ARHGEF4: variants seen among roughly 807,000 people sequenced by gnomAD.
ARHGEF4 encodes Rho guanine nucleotide exchange factor 4.
A neutral mutation model predicts 162.0 loss-of-function variants in ARHGEF4; 119 were observed. That is an observed-to-expected ratio of 0.73 (90% confidence interval 0.63 to 0.86). The LOEUF (loss-of-function observed/expected upper bound fraction) is 0.86, where lower values mean the gene tolerates loss of function less well. ARHGEF4 is among the 40% of genes least tolerant of loss of function. The pLI, the probability that ARHGEF4 is intolerant of heterozygous loss-of-function variation, is 0.00. For missense variants in ARHGEF4, 2,488 were observed against 2,456.0 expected (o/e 1.01, Z -0.28); for synonymous variants, 1,014 against 979.9 (o/e 1.03, Z -0.65).
At chr2:131,000,159 G>GT (rs1186048551) in intron 4 of ARHGEF4, among the ~76,000 whole-genome samples, 1 of 152,170 alleles carries the variant, frequency 6.6e-6, no homozygotes, top group African/African-American at 2.4e-5. Context: ...TTGTAATGAA[G>GT]GATTAAACTT....
chr2:130,953,219 A>G (rs947493281), intron 4 of ARHGEF4, among the ~76,000 whole-genome samples: 2 of 152,202 alleles, frequency 1.3e-5, no homozygotes, highest in Non-Finnish European at 2.9e-5. Flanking sequence ...ATATAGACCA[A>G]TGGAACAGAA....
At chr2:130,986,732 T>G (rs1686527118) in intron 4 of ARHGEF4, among the ~76,000 whole-genome samples, 1 of 152,168 alleles carries the variant, frequency 6.6e-6, no homozygotes, top group South Asian at 2.1e-4. Context: ...GAGCTAGATG[T>G]GAGACAACAG....
intron 1 of ARHGEF4, among the ~76,000 whole-genome samples, chr2:130,904,091 C>A (rs1680672915): frequency 6.6e-6 from 1 of 152,198 alleles, no homozygotes; most frequent in African/African-American, 2.4e-5. Flanking sequence ...TGAGAAATCT[C>A]CAAACTGCTC....
chr2:130,841,636 G>A (rs1481760661), intron 1 of ARHGEF4, among the ~76,000 whole-genome samples: 2 of 152,158 alleles, frequency 1.3e-5, no homozygotes, highest in African/African-American at 4.8e-5. Context: ...AGCTGATAGA[G>A]AACGATGTCT....
chr2:130,864,086 C>T (rs188547699), intron 1 of ARHGEF4, among the ~76,000 whole-genome samples: 12,302 of 150,946 alleles, frequency 0.081, 961 homozygotes, highest in African/African-American at 0.2. Context: ...CTCGGGAGGC[C>T]GAGGCAGAAG....
At position 130,916,474 on chromosome 2, in the gene ARHGEF4, G is replaced by C. The variant is rs1324086648; in HGVS notation, c.2528G>C (p.Arg843Pro). 5.8e-6 allele frequency: 9 copies of C among 1,544,826 alleles called. No individual in the cohort carries two copies. Among genetic ancestry groups the C allele is most frequent in the African/African-American group, 1.4e-5 (1 of 72,956 alleles). Residue 843 changes from arginine to proline, a missense_variant, in exon 2 of 14, where the codon CGG becomes CCG. Arg to Pro is a moderately radical substitution (Grantham distance 103). This residue lies in a region of ARHGEF4 where 1,642 missense variants were observed against 1,481.5 expected (regional missense o/e 1.11). Transcript: ENST00000409359. ...GAGAATCCGCCCGCTGCGGCCGGTC[G>C]GGACGCACCGCCTCTGCACCACGGG... ...PRENPPAAAG[R>P]DAPPLHHGDA...
At chr2:130,986,776 A>C (rs1041111563) in intron 4 of ARHGEF4, among the ~76,000 whole-genome samples, 1 of 152,166 alleles carries the variant, frequency 6.6e-6, no homozygotes, top group African/African-American at 2.4e-5. Flanking sequence ...GTCACTTCAT[A>C]ATTGTCTGCA....
intron 4 of ARHGEF4, among the ~76,000 whole-genome samples, chr2:130,992,437 G>A (rs959828282): frequency 2.0e-5 from 3 of 152,176 alleles, no homozygotes; most frequent in African/African-American, 7.2e-5. Context: ...GCGAGACCAC[G>A]AGCCCACCGG....
chr2:131,008,568 C>G (rs566425685), intron 4 of ARHGEF4, among the ~76,000 whole-genome samples: 2 of 152,018 alleles, frequency 1.3e-5, no homozygotes, highest in African/African-American at 4.8e-5. Flanking sequence ...GGTCATTTTC[C>G]TCTTTTTTTG....
chr2:130,940,942 A>T (rs543545944), intron 3 of ARHGEF4, among the ~76,000 whole-genome samples: 58 of 152,114 alleles, frequency 3.8e-4, no homozygotes, highest in Non-Finnish European at 6.6e-4. Context: ...TACAGTAGTC[A>T]GAAAACAGTA....
chr2:131,032,836 CTTTTCTT>C (rs1344226009), intron 5 of ARHGEF4, among the ~76,000 whole-genome samples: 1 of 142,656 alleles, frequency 7.0e-6, no homozygotes, highest in African/African-American at 2.9e-5. Flanking sequence ...CTTTTCTTTT[CTTTTCTT>C]TTTTCTTTTT....
intron 4 of ARHGEF4, among the ~76,000 whole-genome samples, chr2:131,019,897 G>A (rs780033424): frequency 7.2e-5 from 11 of 152,132 alleles, no homozygotes; most frequent in Non-Finnish European, 1.5e-4. Context: ...GCCTCCCAAA[G>A]TGCTGGGATT....
intron 1 of ARHGEF4, among the ~76,000 whole-genome samples, chr2:130,909,866 G>T (rs1681069015): frequency 6.6e-6 from 1 of 152,066 alleles, no homozygotes; most frequent in Non-Finnish European, 1.5e-5. Flanking sequence ...AAACCTAGAA[G>T]TAAAACATAT....
intron 4 of ARHGEF4, among the ~76,000 whole-genome samples, chr2:130,983,048 CT>C (rs1043644637): frequency 9.9e-5 from 15 of 152,056 alleles, no homozygotes; most frequent in African/African-American, 3.6e-4. Context: ...TATCACAAAG[CT>C]TTTTTAATTG....
At chr2:130,956,153 C>T (rs1023347634) in intron 4 of ARHGEF4, among the ~76,000 whole-genome samples, 2 of 152,146 alleles carry the variant, frequency 1.3e-5, no homozygotes, top group African/African-American at 4.8e-5. Context: ...TGGGGGGTAC[C>T]TCAAAGGATA....
At position 130,975,926 on chromosome 2, in the gene ARHGEF4, C is replaced by T. The variant is rs545506184; in HGVS notation, c.3985+29291C>T. On this transcript the variant is annotated intron_variant, in intron 4 of 13. Coordinates refer to ENST00000409359, the MANE Select transcript of ARHGEF4 (RefSeq NM_001367493.1). ...AGGACGGGCGCTCAGGAGGGTTCCA[C>T]TCCATTCTCACTGCAGTTGTTTCTT... 3.9e-5 allele frequency among the ~76,000 whole-genome samples: 6 copies of T among 152,304 alleles called. No individual in the cohort carries two copies. In the East Asian group the frequency reaches 1.2e-3, roughly 29 times the overall value.
intron 4 of ARHGEF4, among the ~76,000 whole-genome samples, chr2:131,012,806 C>G (rs1468919927): frequency 2.0e-5 from 3 of 152,224 alleles, no homozygotes; most frequent in Non-Finnish European, 4.4e-5. Context: ...GTCTTGAACT[C>G]CTGACCTCAG....
chr2:130,924,916 C>A (rs1682138167), intron 2 of ARHGEF4, among the ~76,000 whole-genome samples: 2 of 152,100 alleles, frequency 1.3e-5, no homozygotes, highest in African/African-American at 4.8e-5. Context: ...TTTCCTAGGT[C>A]TCTGCTGGGT....
At position 131,045,344 on chromosome 2, in the gene ARHGEF4, G is replaced by A. The variant is rs377469756; in HGVS notation, c.5402-25G>A. On this transcript the variant is annotated intron_variant, in intron 12 of 13. Coordinates refer to ENST00000409359, the MANE Select transcript of ARHGEF4 (RefSeq NM_001367493.1). Reference sequence around the variant, plus strand: ...ACCTGGGGCCACGAAGTGGGGCAGCGCCCTCACCTGTGCCCCTTCCTCAGG... The same window carrying A: ...ACCTGGGGCCACGAAGTGGGGCAGCACCCTCACCTGTGCCCCTTCCTCAGG... 736 of 1,605,172 alleles carry A rather than the reference G, an allele frequency of 4.6e-4. 1 individual carries two copies. Among genetic ancestry groups the A allele is most frequent in the Non-Finnish European group, 5.8e-4 (684 of 1,174,338 alleles).
Sources: gnomAD v4.1 joint callset for allele counts (sites outside exome capture counted in the v4.1 genomes callset) on GRCh38, gnomAD v4.1.1 for gene constraint, gnomAD v4.1.1 regional missense constraint, MANE v1.5 for transcripts, NCBI Gene and HGNC (gene_info 2026-07-23, HGNC 2026-07-21) for gene names.